KIAA1671: variants seen among roughly 807,000 people sequenced by gnomAD.
KIAA1671 encodes the protein uncharacterized protein KIAA1671.
KIAA1671 carries 52 observed loss-of-function variants against 131.2 expected under a neutral mutation model. The ratio of observed to expected loss-of-function variants is 0.40; its 90% CI spans 0.32 to 0.50. KIAA1671 has a LOEUF of 0.50. Ranked by LOEUF, KIAA1671 falls within the 20% of genes least tolerant of loss-of-function variation. KIAA1671 has a pLI of 0.73. For synonymous variants in KIAA1671, 1,003 were observed against 961.6 expected (o/e 1.04, Z -0.80); for missense variants, 2,360 against 2,364.2 (o/e 1.00, Z 0.04).
intron 2 of KIAA1671, among the ~76,000 whole-genome samples, chr22:25,026,911 C>A (rs1925976709): frequency 6.6e-6 from 1 of 152,102 alleles, no homozygotes; most frequent in South Asian, 2.1e-4. Flanking sequence ...GAGAGGAGGT[C>A]CCCTGCTTTG....
rs976961579 is a variant in KIAA1671, at chr22:25,032,556, G to C, written c.1542-53G>C. 5 of 1,160,660 alleles carry C rather than the reference G, an allele frequency of 4.3e-6. No individual in the cohort carries two copies. In the East Asian group the frequency reaches 7.8e-5, roughly 18 times the overall value. The allele number at this position is 1,160,660 out of a possible 1,614,324, so 71.9% of individuals were successfully genotyped here. ...GGCCTCCTGAGCTGGTGTGTGGGCTGGGGGGAATAACAGCTTCCAGCTCCA... is the reference window on the plus strand; with the variant it reads ...GGCCTCCTGAGCTGGTGTGTGGGCTCGGGGGAATAACAGCTTCCAGCTCCA... On this transcript the variant is annotated intron_variant, in intron 3 of 12. Coordinates refer to ENST00000358431, the MANE Select transcript of KIAA1671 (RefSeq NM_001145206.2).
chr22:25,004,068 C>T (rs1569203658), intron 1 of KIAA1671, among the ~76,000 whole-genome samples: 1 of 151,852 alleles, frequency 6.6e-6, no homozygotes, highest in Non-Finnish European at 1.5e-5. Context: ...CCGCCTGCCT[C>T]AGCCTCCCAA....
chr22:25,093,790 C>CTG (rs56288372), intron 6 of KIAA1671, among the ~76,000 whole-genome samples: 5 of 130,506 alleles, frequency 3.8e-5, no homozygotes, highest in South Asian at 2.6e-4. Context: ...CTCTCTCTCT[C>CTG]TCTCTCTCTC....
At chr22:25,073,087 G>C (rs1164237321) in intron 6 of KIAA1671, among the ~76,000 whole-genome samples, 1 of 152,062 alleles carries the variant, frequency 6.6e-6, no homozygotes, top group East Asian at 1.9e-4. Context: ...TCTGTTTTTA[G>C]AGATAGGGTC....
chr22:25,179,293 C>T lies in KIAA1671; in HGVS notation c.5074+1771C>T, dbSNP rs1397652067. The T allele has an allele frequency of 6.4e-6, 10 of 1,569,140 alleles. No individual in the cohort carries two copies. In the South Asian group the frequency reaches 1.2e-4, roughly 18 times the overall value. ...ACGTGTTCTCTCGCAGGATGGGCGC[C>T]GCCCGTCCCGGGCCCTTAGCCCGAC... is the stretch of plus-strand genomic sequence containing the variant. On this transcript the variant is annotated intron_variant, in intron 9 of 12. Coordinates refer to ENST00000358431, the MANE Select transcript of KIAA1671 (RefSeq NM_001145206.2).
At chr22:25,042,812 G>A (rs1200205317) in intron 5 of KIAA1671, among the ~76,000 whole-genome samples, 1 of 152,072 alleles carries the variant, frequency 6.6e-6, no homozygotes, top group Non-Finnish European at 1.5e-5. Context: ...GGAAGAACCA[G>A]TAGGGGAGAG....
intron 1 of KIAA1671, among the ~76,000 whole-genome samples, chr22:25,020,442 C>T (rs1170143431): frequency 1.3e-5 from 2 of 152,200 alleles, no homozygotes; most frequent in African/African-American, 2.4e-5. Flanking sequence ...CTCACGTCTA[C>T]ATTGAATATT....
chr22:25,177,651 A>ATTT, intron 9 of KIAA1671, 129 bp downstream of exon 9: 1 of 699,608 alleles, frequency 1.4e-6, no homozygotes, highest in Non-Finnish European at 2.2e-6. Flanking sequence ...TAGGAAACTG[A>ATTT]TTTTTTTTTT....
chr22:24,990,854 G>A (rs1923798814), intron 1 of KIAA1671, among the ~76,000 whole-genome samples: 1 of 152,076 alleles, frequency 6.6e-6, no homozygotes, highest in South Asian at 2.1e-4. Flanking sequence ...CACTGAGCTA[G>A]GTCCTTCTTG....
chr22:25,120,870 A>G (rs1162743110), intron 6 of KIAA1671, among the ~76,000 whole-genome samples: 1 of 152,166 alleles, frequency 6.6e-6, no homozygotes, highest in Non-Finnish European at 1.5e-5. Context: ...CATTTGGGTA[A>G]TTTCCCGTTC....
intron 1 of KIAA1671, among the ~76,000 whole-genome samples, chr22:25,006,767 C>T (rs1202926258): frequency 3.9e-5 from 6 of 152,134 alleles, no homozygotes; most frequent in East Asian, 1.9e-4. Flanking sequence ...CCTTGGGTTT[C>T]GGCCCCACAT....
intron 1 of KIAA1671, among the ~76,000 whole-genome samples, chr22:24,986,062 T>C (rs1215472883): frequency 6.6e-6 from 1 of 152,162 alleles, no homozygotes; most frequent in African/African-American, 2.4e-5. Flanking sequence ...AACATGGGTT[T>C]CCTTCCTCTC....
At chr22:25,154,742 C>T (rs1023685755) in intron 6 of KIAA1671, among the ~76,000 whole-genome samples, 15 of 152,210 alleles carry the variant, frequency 9.9e-5, no homozygotes, top group African/African-American at 3.4e-4. Flanking sequence ...TCCAGGCACC[C>T]CCTCAGCCCC....
rs57608143 is a variant in KIAA1671, at chr22:25,049,413, C to G, written c.4530+49C>G. ...GAGGATTGCACAGGGGTGCTGGTTG[C>G]TGGACACTGCTGTGAATGTGGTTGG... On this transcript the variant is annotated intron_variant, in intron 6 of 12. Coordinates refer to ENST00000358431, the MANE Select transcript of KIAA1671 (RefSeq NM_001145206.2). The G allele has an allele frequency of 6.6e-4, 1,011 of 1,526,346 alleles. 7 individuals are homozygous for G. The African/African-American group carries it at 0.012, about 18-fold the overall frequency. 94.6% of individuals were successfully genotyped at this position (1,526,346 alleles called of 1,614,324 possible). A position where few individuals can be genotyped will look rare whatever the true frequency, so the allele number is the denominator to read the frequency against.
chr22:25,027,856 ACT>A (rs1926034969), intron 2 of KIAA1671, 87 bp from the exon 3 acceptor site: 2 of 670,018 alleles, frequency 3.0e-6, no homozygotes, highest in African/African-American at 3.6e-5. Flanking sequence ...GGGGCTCAGG[ACT>A]CTGTCCCATT....
At chr22:25,088,792 T>A (rs1305864289) in intron 6 of KIAA1671, among the ~76,000 whole-genome samples, 1 of 152,190 alleles carries the variant, frequency 6.6e-6, no homozygotes, top group Non-Finnish European at 1.5e-5. Flanking sequence ...CAGGTTCATG[T>A]GTCTCCTTTT....
intron 1 of KIAA1671, among the ~76,000 whole-genome samples, chr22:25,020,010 G>C (rs1305242838): frequency 6.6e-6 from 1 of 152,164 alleles, no homozygotes; most frequent in Non-Finnish European, 1.5e-5. Flanking sequence ...CACTGCAAAG[G>C]ACATCTTTGT....
intron 1 of KIAA1671, among the ~76,000 whole-genome samples, chr22:24,973,595 C>A (rs1308041910): frequency 6.6e-6 from 1 of 151,692 alleles, no homozygotes; most frequent in African/African-American, 2.4e-5. Flanking sequence ...AGGATTGTCT[C>A]TACTAGGCCA....
chr22:25,093,248 G>C (rs576784470), intron 6 of KIAA1671, among the ~76,000 whole-genome samples: 62 of 152,270 alleles, frequency 4.1e-4, no homozygotes, highest in African/African-American at 1.4e-3. Context: ...ATTGGTGGAG[G>C]GGCCAGTTTT....
Sources: gnomAD v4.1 joint callset for allele counts (sites outside exome capture counted in the v4.1 genomes callset) on GRCh38, gnomAD v4.1.1 for gene constraint, MANE v1.5 for transcripts, NCBI Gene and HGNC (gene_info 2026-07-23, HGNC 2026-07-21) for gene names.